PTPRQ: variants seen among roughly 807,000 people sequenced by gnomAD.
PTPRQ encodes the protein protein tyrosine phosphatase receptor type Q.
PTPRQ carries 199 observed loss-of-function variants against 246.0 expected under a neutral mutation model. That is an observed-to-expected ratio of 0.81 (90% CI 0.72 to 0.91). The LOEUF (loss-of-function observed/expected upper bound fraction) is 0.91, where lower values mean the gene tolerates loss of function less well. Among genes scored for constraint, PTPRQ ranks in the 40% least tolerant of loss-of-function variants. The probability of loss-of-function intolerance (pLI) is 0.00; values close to 1 mark genes in which losing one functional copy is unlikely to be tolerated. For synonymous variants in PTPRQ, 869 were observed against 853.2 expected, an observed-to-expected ratio of 1.02 and a Z score of -0.32; for missense variants, 2,624 against 2,528.4, an observed-to-expected ratio of 1.04 and a Z score of -0.81.
chr12:80,616,149 A>G, intron 29 of PTPRQ, 51 bp from the exon 30 acceptor site: 1 of 1,358,654 alleles, frequency 7.4e-7, no homozygotes, highest in Non-Finnish European at 9.7e-7. Context: ...ATATACACAC[A>G]CATACATAAG....
At position 80,523,299 on chromosome 12, in the gene PTPRQ, C is replaced by G. The variant is rs184205959; in HGVS notation, c.2679-10716C>G. ...CTAGTGGTCTATCAATTTTGTTGAT[C>G]TTTTCAAAAAACCAGCTCCTGGATT... On this transcript the variant is annotated intron_variant, in intron 17 of 44. Transcript: ENST00000644991. 2.0e-5 allele frequency among the ~76,000 whole-genome samples: 3 copies of G among 152,134 alleles called. No individual in the cohort carries two copies. In the East Asian group the frequency reaches 5.8e-4, roughly 29 times the overall value.
chr12:80,534,190 T>C lies in PTPRQ; in HGVS notation c.2839+15T>C. On this transcript the variant is annotated intron_variant, in intron 18 of 44. Transcript: ENST00000644991. ...ACCAGAGGGAGGTGAGTTAAGGATG[T>C]ATGCCAATTAAAAGAATGTTCTTTT... 6.8e-7 allele frequency: 1 copy of C among 1,463,262 alleles called. No homozygotes were observed. Among genetic ancestry groups the C allele is most frequent in the Non-Finnish European group, 9.0e-7 (1 of 1,105,564 alleles). The allele number at this position is 1,463,262 out of a possible 1,614,324, so 90.6% of individuals were successfully genotyped here.
intron 33 of PTPRQ, among the ~76,000 whole-genome samples, chr12:80,630,345 A>AT (rs1207243810): frequency 3.6e-4 from 54 of 151,698 alleles, no homozygotes; most frequent in African/African-American, 1.1e-3. Flanking sequence ...ATGTCCTTTA[A>AT]TTTTTTTTCT....
At chr12:80,563,340 C>A (rs1325333614) in intron 25 of PTPRQ, among the ~76,000 whole-genome samples, 1 of 151,982 alleles carries the variant, frequency 6.6e-6, no homozygotes, top group Non-Finnish European at 1.5e-5. Flanking sequence ...AGCCTAATCC[C>A]ACTCGTGATT....
At chr12:80,641,317 A>G (rs895311141) in intron 35 of PTPRQ, among the ~76,000 whole-genome samples, 1 of 152,206 alleles carries the variant, frequency 6.6e-6, no homozygotes, top group Non-Finnish European at 1.5e-5. Context: ...TCATGCAAAG[A>G]ATGTAAATGA....
At chr12:80,638,084 A>G (rs1214988376) in intron 35 of PTPRQ, among the ~76,000 whole-genome samples, 3 of 152,066 alleles carry the variant, frequency 2.0e-5, no homozygotes, top group Non-Finnish European at 4.4e-5. Flanking sequence ...CCGGCCCAAC[A>G]TGGTGAAACC....
At chr12:80,511,821 G>A (rs905130758) in intron 17 of PTPRQ, among the ~76,000 whole-genome samples, 1 of 152,206 alleles carries the variant, frequency 6.6e-6, no homozygotes, top group East Asian at 1.9e-4. Flanking sequence ...AACCAGAGGA[G>A]GGTAACAGTG....
intron 25 of PTPRQ, among the ~76,000 whole-genome samples, chr12:80,554,932 G>A (rs1896601135): frequency 6.6e-6 from 1 of 152,024 alleles, no homozygotes; most frequent in African/African-American, 2.4e-5. Context: ...TTGTTTGTTT[G>A]AGACAGGGTC....
chr12:80,582,389 T>C (rs1399652943), intron 25 of PTPRQ, among the ~76,000 whole-genome samples: 3 of 152,172 alleles, frequency 2.0e-5, no homozygotes, highest in Non-Finnish European at 1.5e-5. Flanking sequence ...GAATGTTTAT[T>C]TCCCCCCTAG....
intron 31 of PTPRQ, 31 bp from the exon 32 acceptor site, chr12:80,620,123 G>A: frequency 6.6e-7 from 1 of 1,514,058 alleles, no homozygotes; most frequent in African/African-American, 1.4e-5. Flanking sequence ...ATGTTACTTG[G>A]AATTATTGTT....
In PTPRQ at chr12:80,619,531, C is replaced by A. The variant is rs1020752309; in HGVS notation, c.5378C>A (p.Thr1793Lys). The change falls in exon 31 of 45, where the codon ACA (threonine) becomes AAA (lysine). Residue 1793 changes from threonine (T) to lysine (K), a missense_variant. Coordinates refer to ENST00000644991, the MANE Select transcript of PTPRQ (RefSeq NM_001145026.2). ...ATAAAAAATGTACAAGTGCTTGTGA[C>A]AGAAACAGGAGGTATCATCACATGT... ...GPIKNVQVLVTETGAQHDGNV... is the reference protein window; with the variant it reads ...GPIKNVQVLVKETGAQHDGNV... The A allele has an allele frequency of 6.5e-7, 1 of 1,532,052 alleles. No individual in the cohort carries two copies. The highest frequency in any genetic ancestry group is 2.0e-5 in the Admixed American group (1 of 49,674). 94.9% of individuals were successfully genotyped at this position (1,532,052 alleles called of 1,614,324 possible).
Position 80,541,824 on chromosome 12 carries a change from T to C in PTPRQ, c.3424T>C (p.Tyr1142His), listed in dbSNP as rs1437446884. The change falls in exon 21 of 45, where the codon TAC becomes CAC. Residue 1142 changes from tyrosine to histidine, a missense_variant. Transcript: ENST00000644991. The part of the protein sequence containing the change: ...GFSDTYTAQL[Y>H]IKTEEDVPET... ...CTCTGATACCTATACTGCCCAGCTA[T>C]ACATCAAGACTGAAGAAGATGGTAG... 11 of 1,547,288 alleles carry C rather than the reference T, an allele frequency of 7.1e-6. No homozygotes were observed. Among genetic ancestry groups the C allele is most frequent in the African/African-American group, 1.4e-5 (1 of 72,786 alleles).
chr12:80,463,808 A>T (rs921320135), intron 6 of PTPRQ, among the ~76,000 whole-genome samples: 29 of 151,406 alleles, frequency 1.9e-4, no homozygotes, highest in Non-Finnish European at 3.1e-4. Context: ...TTTACAGACA[A>T]GCAAATGCTG....
At chr12:80,644,329 G>A (rs1470513701) in intron 35 of PTPRQ, among the ~76,000 whole-genome samples, 1 of 152,044 alleles carries the variant, frequency 6.6e-6, no homozygotes, top group African/African-American at 2.4e-5. Flanking sequence ...CCTTTCTATT[G>A]GAAATTAGTC....
chr12:80,588,555 C>G, intron 26 of PTPRQ, 103 bp downstream of exon 26: 1 of 1,217,494 alleles, frequency 8.2e-7, no homozygotes, highest in Non-Finnish European at 1.0e-6. Context: ...AATCACTGAA[C>G]ATAGAAATAA....
At chr12:80,607,445 TC>T (rs1211151404) in intron 27 of PTPRQ, among the ~76,000 whole-genome samples, 3 of 149,616 alleles carry the variant, frequency 2.0e-5, no homozygotes, top group Non-Finnish European at 4.5e-5. Context: ...CTTCCTTCCT[TC>T]CTTCCTTCCT....
intron 37 of PTPRQ, among the ~76,000 whole-genome samples, chr12:80,652,128 G>A (rs1197648310): frequency 6.6e-6 from 1 of 152,038 alleles, no homozygotes; most frequent in Non-Finnish European, 1.5e-5. Flanking sequence ...ACTTTTTAAT[G>A]ATGCTTGCTT....
In PTPRQ at chr12:80,510,546, C is replaced by T. The variant is rs7963676; in HGVS notation, c.2678+103C>T. ...TCAGAATGTGGTGCTACATTAGGAA[C>T]CTGATTATTAATAGGCTAGTTAATA... On this transcript the variant is annotated intron_variant, in intron 17 of 44. Coordinates refer to ENST00000644991, the MANE Select transcript of PTPRQ (RefSeq NM_001145026.2). 0.27 allele frequency: 310,100 copies of T among 1,155,980 alleles called. 45,391 individuals are homozygous for T. Among genetic ancestry groups the T allele is most frequent in the African/African-American group, 0.51 (32,394 of 63,134 alleles). The allele number at this position is 1,155,980 out of a possible 1,614,324, so 71.6% of individuals were successfully genotyped here.
In PTPRQ at chr12:80,596,899, C is replaced by G. The variant is rs543290347; in HGVS notation, c.4610-8160C>G. On this transcript the variant is annotated intron_variant, in intron 26 of 44. Transcript: ENST00000644991. Reference sequence around the variant, plus strand: ...GCACAGTTAAGAATATTAGCAATGACTTACCTTACTGTGTGTTTGCTATGT... The same window carrying G: ...GCACAGTTAAGAATATTAGCAATGAGTTACCTTACTGTGTGTTTGCTATGT... 2.0e-5 allele frequency among the ~76,000 whole-genome samples: 3 copies of G among 152,178 alleles called. No homozygotes were observed. The East Asian group carries it at 5.8e-4, about 29-fold the overall frequency.
Sources: gnomAD v4.1 joint callset for allele counts (sites outside exome capture counted in the v4.1 genomes callset) on GRCh38, gnomAD v4.1.1 for gene constraint, MANE v1.5 for transcripts, NCBI Gene and HGNC (gene_info 2026-07-23, HGNC 2026-07-21) for gene names.